The following ADAM23 variants were observed in gnomAD, a reference collection of about 807,000 sequenced individuals.
ADAM23 encodes disintegrin and metalloproteinase domain-containing protein 23.
ADAM23 carries 33 observed loss-of-function variants against 120.1 expected under a neutral mutation model. That is an observed-to-expected ratio of 0.27 (90% CI 0.21 to 0.37). The LOEUF (loss-of-function observed/expected upper bound fraction) is 0.37. Ranked by LOEUF, ADAM23 falls within the 10% of genes least tolerant of loss-of-function variation. The probability of loss-of-function intolerance (pLI) is 1.00; values close to 1 mark genes in which losing one functional copy is unlikely to be tolerated. For synonymous variants in ADAM23, 367 were observed against 375.2 expected (o/e 0.98, Z 0.25); for missense variants, 862 against 1,058.2 (o/e 0.81, Z 2.57).
intron 13 of ADAM23, among the ~76,000 whole-genome samples, chr2:206,562,629 C>T (rs1204859673): frequency 6.6e-6 from 1 of 152,172 alleles, no homozygotes; most frequent in Non-Finnish European, 1.5e-5. Context: ...TAGATAAAGC[C>T]TCCATCACAA....
At chr2:206,560,207 A>G (rs1697736112) in intron 11 of ADAM23, 89 bp downstream of exon 11, 8 of 1,364,480 alleles carry the variant, frequency 5.9e-6, no homozygotes, top group Non-Finnish European at 7.9e-6. Flanking sequence ...AATATCAGAA[A>G]ATAGTGACTT....
intron 3 of ADAM23, among the ~76,000 whole-genome samples, chr2:206,528,945 T>A (rs1022802076): frequency 1.3e-5 from 2 of 152,156 alleles, no homozygotes; most frequent in African/African-American, 4.8e-5. Context: ...TAGTAAGTGG[T>A]CAGCAAATGC....
chr2:206,567,972 A>C (rs1051950358), intron 15 of ADAM23, among the ~76,000 whole-genome samples: 1 of 152,168 alleles, frequency 6.6e-6, no homozygotes, highest in African/African-American at 2.4e-5. Flanking sequence ...ACTCACTATC[A>C]TGAGGACTGT....
At chr2:206,600,347 T>C (rs1479528095) in intron 24 of ADAM23, among the ~76,000 whole-genome samples, 2 of 152,252 alleles carry the variant, frequency 1.3e-5, no homozygotes, top group Non-Finnish European at 2.9e-5. Context: ...TGGCCAATCA[T>C]ATCCATAGAT....
At chr2:206,472,297 C>T (rs1006622605) in intron 2 of ADAM23, among the ~76,000 whole-genome samples, 2 of 152,218 alleles carry the variant, frequency 1.3e-5, no homozygotes, top group South Asian at 2.1e-4. Flanking sequence ...TTCTCTTCAG[C>T]GTCCATCTTT....
At chr2:206,523,724 T>C (rs1696891501) in intron 3 of ADAM23, among the ~76,000 whole-genome samples, 1 of 152,146 alleles carries the variant, frequency 6.6e-6, no homozygotes, top group Non-Finnish European at 1.5e-5. Context: ...AGAGCAAGCA[T>C]AATTGTAGGA....
In ADAM23 at chr2:206,491,445, T is replaced by C. The variant is rs550823554; in HGVS notation, c.509+10137T>C. Among the ~76,000 whole-genome samples the C allele has an allele frequency of 4.6e-5, 7 of 152,310 alleles. No homozygotes were observed. The East Asian group carries it at 1.3e-3, about 29-fold the overall frequency. On this transcript the variant is annotated intron_variant, in intron 3 of 25. Transcript: ENST00000264377. ...TATCTTACCTAGGATATAAAAGACA[T>C]CTCTAGTGAGTCAGGAGACTATTTC...
chr2:206,519,028 TTAGAA>T (rs1422914988), intron 3 of ADAM23, among the ~76,000 whole-genome samples: 1 of 152,194 alleles, frequency 6.6e-6, no homozygotes, highest in Non-Finnish European at 1.5e-5. Flanking sequence ...TCTTTTAGAC[TTAGAA>T]GTTTTCTTGG....
chr2:206,469,746 T>C (rs1695616015), intron 2 of ADAM23, among the ~76,000 whole-genome samples: 1 of 152,150 alleles, frequency 6.6e-6, no homozygotes, highest in South Asian at 2.1e-4. Flanking sequence ...TCCTCTAGTC[T>C]CCCTCCACTT....
chr2:206,467,716 CTGTG>C (rs758197743), intron 2 of ADAM23, among the ~76,000 whole-genome samples: 1 of 152,226 alleles, frequency 6.6e-6, no homozygotes, highest in Non-Finnish European at 1.5e-5. Flanking sequence ...AGTGGGGACT[CTGTG>C]TGGGGGCTCA....
chr2:206,550,759 G>A (rs1393992757), intron 9 of ADAM23, among the ~76,000 whole-genome samples: 3 of 151,952 alleles, frequency 2.0e-5, no homozygotes, highest in African/African-American at 7.2e-5. Flanking sequence ...CCGCCACTAC[G>A]CCCGGCTAAT....
chr2:206,565,135 C>A lies in ADAM23; in HGVS notation c.1394+67C>A, dbSNP rs992216981. ...TAAAATTGCTGTGTAGAGTTAGAAA[C>A]AAGGTCTCTCGGGTATTGGTCTTTT... On this transcript the variant is annotated intron_variant, in intron 14 of 25. Coordinates refer to ENST00000264377, the MANE Select transcript of ADAM23 (RefSeq NM_003812.4). 1.0e-5 allele frequency: 15 copies of A among 1,462,280 alleles called. No homozygotes were observed. In the African/African-American group the frequency reaches 2.1e-4, roughly 20 times the overall value. The allele number at this position is 1,462,280 out of a possible 1,614,324, so 90.6% of individuals were successfully genotyped here.
intron 3 of ADAM23, among the ~76,000 whole-genome samples, chr2:206,526,152 A>G (rs1471085468): frequency 6.7e-6 from 1 of 148,348 alleles, no homozygotes; most frequent in Non-Finnish European, 1.5e-5. Flanking sequence ...ACACACACAC[A>G]CACACACACA....
chr2:206,473,043 TCGGGCATTTTTCGGGCATGTATGTTTC>T (rs1337580778), intron 2 of ADAM23, among the ~76,000 whole-genome samples: 1 of 152,118 alleles, frequency 6.6e-6, no homozygotes, highest in Non-Finnish European at 1.5e-5. Context: ...ATGTATGTTT[TCGGGCATTTTTCGGGCATGTATGTTTC>T]CCCCCTACTT....
At chr2:206,490,237 A>G (rs924382053) in intron 3 of ADAM23, among the ~76,000 whole-genome samples, 40 of 152,130 alleles carry the variant, frequency 2.6e-4, no homozygotes, top group Non-Finnish European at 5.0e-4. Flanking sequence ...CCCTGCTGAC[A>G]CCTTGATCTT....
chr2:206,454,063 A>G (rs1473700612), intron 2 of ADAM23, among the ~76,000 whole-genome samples: 1 of 152,260 alleles, frequency 6.6e-6, no homozygotes, highest in Non-Finnish European at 1.5e-5. Flanking sequence ...TTAAGTTCAA[A>G]CAAACCAGTG....
At chr2:206,565,139 G>T in intron 14 of ADAM23, 71 bp downstream of exon 14, 1 of 1,404,344 alleles carries the variant, frequency 7.1e-7, no homozygotes, top group Non-Finnish European at 1.0e-6. Flanking sequence ...TAGAAACAAG[G>T]TCTCTCGGGT....
At chr2:206,572,673 A>T (rs1698028542) in intron 17 of ADAM23, among the ~76,000 whole-genome samples, 1 of 152,178 alleles carries the variant, frequency 6.6e-6, no homozygotes, top group Non-Finnish European at 1.5e-5. Flanking sequence ...AATTTATTAA[A>T]ATTTGATTGT....
In ADAM23 at chr2:206,551,177, A is replaced by G. The variant is rs564528129; in HGVS notation, c.933+1017A>G. ...TAGTGGTGTGCTGGTAAATTTTAAT[A>G]CCTAGCTCTCTTGATTTATAATGTT... On this transcript the variant is annotated intron_variant, in intron 9 of 25. Coordinates refer to ENST00000264377, the MANE Select transcript of ADAM23 (RefSeq NM_003812.4). Among the ~76,000 whole-genome samples the G allele has an allele frequency of 9.9e-5, 15 of 152,262 alleles. No homozygotes were observed. In the South Asian group the frequency reaches 2.9e-3, roughly 29 times the overall value.
Sources: gnomAD v4.1 joint callset for allele counts (sites outside exome capture counted in the v4.1 genomes callset) on GRCh38, gnomAD v4.1.1 for gene constraint, MANE v1.5 for transcripts, NCBI Gene and HGNC (gene_info 2026-07-23, HGNC 2026-07-21) for gene names.